FIP1L1: variants seen among roughly 807,000 people sequenced by gnomAD.
FIP1L1 encodes factor interacting with PAPOLA and CPSF1, also known as pre-mRNA 3'-end-processing factor FIP1.
In FIP1L1, 21 loss-of-function variants were observed where a neutral mutation model predicts 84.6. The observed-to-expected ratio is 0.25, with a 90% confidence interval of 0.18 to 0.36. The LOEUF is 0.36. Among genes scored for constraint, FIP1L1 ranks in the 10% least tolerant of loss-of-function variants. FIP1L1 has a pLI of 1.00. For synonymous variants in FIP1L1, 263 were observed against 242.3 expected, an observed-to-expected ratio of 1.09 and a Z score of -0.80; for missense variants, 526 against 751.1, an observed-to-expected ratio of 0.70 and a Z score of 3.50.
chr4:53,419,353 A>G (rs1761157470), intron 11 of FIP1L1, among the ~76,000 whole-genome samples: 1 of 152,216 alleles, frequency 6.6e-6, no homozygotes, highest in African/African-American at 2.4e-5. Context: ...GAAGTTGGTT[A>G]TGCTAAGCCT....
At chr4:53,386,819 G>C (rs1334582627) in intron 5 of FIP1L1, among the ~76,000 whole-genome samples, 3 of 152,132 alleles carry the variant, frequency 2.0e-5, no homozygotes, top group Non-Finnish European at 4.4e-5. Context: ...TGTTGCTGTT[G>C]TTGTTCTGTT....
chr4:53,450,275 T>C (rs1775854991), intron 15 of FIP1L1, among the ~76,000 whole-genome samples: 1 of 152,240 alleles, frequency 6.6e-6, no homozygotes, highest in Non-Finnish European at 1.5e-5. Flanking sequence ...AAATTTATGA[T>C]GTTTTTGACC....
At chr4:53,444,536 T>C (rs1773372595) in intron 15 of FIP1L1, among the ~76,000 whole-genome samples, 2 of 151,292 alleles carry the variant, frequency 1.3e-5, no homozygotes, top group Non-Finnish European at 3.0e-5. Context: ...TCCAAGGCCT[T>C]CTGACCCCAT....
chr4:53,459,143 A>G (rs754005383), intron 17 of FIP1L1, among the ~76,000 whole-genome samples, 159 bp from the exon 18 acceptor site: 1 of 152,146 alleles, frequency 6.6e-6, no homozygotes, highest in Non-Finnish European at 1.5e-5. Context: ...CATAAAAGTC[A>G]CATAAAACTG....
At chr4:53,396,276 A>G (rs577615507) in intron 9 of FIP1L1, among the ~76,000 whole-genome samples, 1 of 152,244 alleles carries the variant, frequency 6.6e-6, no homozygotes, top group Admixed American at 6.5e-5. Context: ...TATCTATACA[A>G]AGCAATCATG....
chr4:53,444,062 G>A lies in FIP1L1; in HGVS notation c.1244G>A (p.Gly415Asp). ...IPTIESGHSS[G>D]YDSRSARAFP... ...TTCTTCAACAGTGGACATTCCTCTG[G>A]TTATGATAGTCGTTCTGCACGTGCA... is the stretch of plus-strand genomic sequence containing the variant. Residue 415 changes from glycine to aspartate, a missense_variant, in exon 15 of 18, where the codon GGT becomes GAT. By Grantham distance (94) the Gly-to-Asp change is moderately conservative. Around this residue, in one of 6 missense-constraint regions of FIP1L1, gnomAD observed 83 missense variants for 93.8 expected, o/e 0.88. Coordinates refer to ENST00000337488, the MANE Select transcript of FIP1L1 (RefSeq NM_030917.4). The A allele has an allele frequency of 6.2e-7, 1 of 1,606,684 alleles. No homozygotes were observed. The highest frequency in any genetic ancestry group is 8.5e-7 in the Non-Finnish European group (1 of 1,173,790).
At chr4:53,413,929 G>A (rs1758312679) in intron 10 of FIP1L1, among the ~76,000 whole-genome samples, 2 of 152,000 alleles carry the variant, frequency 1.3e-5, no homozygotes, top group African/African-American at 2.4e-5. Context: ...TTCGTTTCTG[G>A]TTTGTTTTTC....
rs7659578 is a variant in FIP1L1 at position 53,408,888 on chromosome 4, A to G, written c.816-5727A>G. Among the ~76,000 whole-genome samples the G allele has an allele frequency of 7.5e-3, 1,137 of 151,930 alleles. 15 individuals carry two copies. The highest frequency in any genetic ancestry group is 0.026 in the African/African-American group (1,078 of 41,446). On this transcript the variant is annotated intron_variant, in intron 10 of 17. Transcript: ENST00000337488. ...TCTCTGTATTGGTTATTCTAGTTAT[A>G]CATTCTTCTAAATTTTTTTCAAAGT... is the stretch of plus-strand genomic sequence containing the variant.
At chr4:53,414,836 A>T (rs1758744466) in intron 11 of FIP1L1, 114 bp downstream of exon 11, 1 of 673,506 alleles carries the variant, frequency 1.5e-6, no homozygotes, top group African/African-American at 1.8e-5. Context: ...CCTCCAACTT[A>T]TGCTTTTTCA....
intron 5 of FIP1L1, among the ~76,000 whole-genome samples, chr4:53,386,037 AT>A (rs1163195461): frequency 0.01 from 1,402 of 139,372 alleles, 10 homozygotes; most frequent in Non-Finnish European, 0.012. Context: ...ACAAAATAGC[AT>A]TTTTTTTTTT....
intron 9 of FIP1L1, among the ~76,000 whole-genome samples, chr4:53,392,497 A>G (rs1744780130): frequency 6.6e-6 from 1 of 152,202 alleles, no homozygotes; most frequent in African/African-American, 2.4e-5. Context: ...AAAGTATGTG[A>G]TGATGTCTGT....
intron 13 of FIP1L1, among the ~76,000 whole-genome samples, chr4:53,432,647 C>G (rs765758350): frequency 1.3e-5 from 2 of 152,092 alleles, no homozygotes; most frequent in African/African-American, 4.8e-5. Flanking sequence ...CATGTGTTAA[C>G]TCATTTGATT....
At chr4:53,407,135 T>C (rs1457023583) in intron 10 of FIP1L1, among the ~76,000 whole-genome samples, 1 of 152,190 alleles carries the variant, frequency 6.6e-6, no homozygotes, top group Admixed American at 6.5e-5. Flanking sequence ...CTTCTTTCTC[T>C]TGTGGGCATT....
In FIP1L1 at chr4:53,379,261, C is replaced by G; in HGVS notation, c.167C>G (p.Ala56Gly). 1.9e-6 allele frequency: 3 copies of G among 1,590,914 alleles called. No individual in the cohort carries two copies. The highest frequency in any genetic ancestry group is 2.6e-6 in the Non-Finnish European group (3 of 1,173,034). ...GTTGAAAGGCCAGAAGAAGAAAATG[C>G]CAGGTTAGTGAAATTTTCTGTTGAT... ...NEVERPEEEN[A>G]SANPPSGIED... The change falls in exon 3 of 18, where the codon GCC becomes GGC. Residue 56 changes from alanine (A) to glycine (G), a missense_variant. Around this residue, in one of 6 missense-constraint regions of FIP1L1, gnomAD observed 100 missense variants for 107.2 expected, o/e 0.93. Coordinates refer to ENST00000337488, the MANE Select transcript of FIP1L1 (RefSeq NM_030917.4).
chr4:53,398,044 C>A (rs893955233), intron 9 of FIP1L1, among the ~76,000 whole-genome samples: 4 of 152,260 alleles, frequency 2.6e-5, no homozygotes, highest in African/African-American at 9.6e-5. Flanking sequence ...GTTATTATAA[C>A]ATCTTTTATC....
intron 11 of FIP1L1, among the ~76,000 whole-genome samples, chr4:53,420,680 A>G (rs1384885507): frequency 1.3e-5 from 2 of 152,156 alleles, no homozygotes; most frequent in African/African-American, 4.8e-5. Context: ...ACTGTAGAGA[A>G]AATTATTCTT....
At chr4:53,425,321 T>C (rs1020268534) in intron 11 of FIP1L1, among the ~76,000 whole-genome samples, 1 of 152,030 alleles carries the variant, frequency 6.6e-6, no homozygotes, top group African/African-American at 2.4e-5. Context: ...GTGAGGCGGG[T>C]ATTTAAATAT....
At chr4:53,382,250 C>T in intron 3 of FIP1L1, 28 bp from the exon 4 acceptor site, 2 of 1,543,930 alleles carry the variant, frequency 1.3e-6, no homozygotes, top group Non-Finnish European at 1.8e-6. Context: ...TAATGCCTGA[C>T]ATGTATACTT....
intron 13 of FIP1L1, among the ~76,000 whole-genome samples, chr4:53,438,045 A>G (rs1215120534): frequency 3.3e-5 from 5 of 152,090 alleles, no homozygotes; most frequent in Non-Finnish European, 7.4e-5. Flanking sequence ...TTTTAATACC[A>G]CTAATCTGTT....
Sources: gnomAD v4.1 joint callset for allele counts (sites outside exome capture counted in the v4.1 genomes callset) on GRCh38, gnomAD v4.1.1 for gene constraint, gnomAD v4.1.1 regional missense constraint, MANE v1.5 for transcripts, NCBI Gene and HGNC (gene_info 2026-07-23, HGNC 2026-07-21) for gene names.